Variants in CRYL1 observed in about 807,000 individuals in gnomAD.
CRYL1 encodes the protein lambda-crystallin homolog.
CRYL1 carries 29 observed loss-of-function variants against 36.6 expected under a neutral mutation model. That is an observed-to-expected ratio of 0.79 (90% CI 0.59 to 1.08). The LOEUF is 1.08. Among genes scored for constraint, CRYL1 ranks in the 50% least tolerant of loss-of-function variants. The probability of loss-of-function intolerance (pLI) is 0.00; values close to 1 mark genes in which losing one functional copy is unlikely to be tolerated. For missense variants in CRYL1, 411 were observed against 407.9 expected, an observed-to-expected ratio of 1.01 and a Z score of -0.06; for synonymous variants, 152 against 151.5, an observed-to-expected ratio of 1.00 and a Z score of -0.02.
chr13:20,414,655 C>T (rs2031611580), intron 5 of CRYL1, among the ~76,000 whole-genome samples: 1 of 152,098 alleles, frequency 6.6e-6, no homozygotes, highest in Non-Finnish European at 1.5e-5. Flanking sequence ...TAAGGTGGGG[C>T]CCTGGAATCT....
chr13:20,420,701 T>TTTTTTTTTGTGTG lies in CRYL1; in HGVS notation c.634-7315_634-7314insCACACAAAAAAAA. Among the ~76,000 whole-genome samples, 2 of 21,840 alleles carry TTTTTTTTTGTGTG rather than the reference T, an allele frequency of 9.2e-5. 1 individual carries two copies. The highest frequency in any genetic ancestry group is 4.1e-3 in the East Asian group (2 of 486). The allele number at this position is 21,840 out of a possible 152,430, so 14.3% of individuals were successfully genotyped here. On this transcript the variant is annotated intron_variant, in intron 5 of 7. Transcript: ENST00000298248. ...CTTTGACTTTTCTTTAAAATAGAGG[T>TTTTTTTTTGTGTG]TGTGTGTGTGTGTGTGTGTGTGTGT...
rs539073204 is a variant in CRYL1 at position 20,412,648 on chromosome 13, A to G, written c.739+634T>C. Among the ~76,000 whole-genome samples the G allele has an allele frequency of 3.3e-5, 5 of 152,262 alleles. No homozygotes were observed. The South Asian group carries it at 1.0e-3, about 32-fold the overall frequency. ...ATTAAAATCTGGTTGACAGAGTTTC[A>G]TTCTTGGAAGTTTCTTGTCCTTCCC... On this transcript the variant is annotated intron_variant, in intron 6 of 7. Coordinates refer to ENST00000298248, the MANE Select transcript of CRYL1 (RefSeq NM_015974.3).
intron 6 of CRYL1, among the ~76,000 whole-genome samples, chr13:20,405,087 T>C (rs949570048): frequency 2.6e-5 from 4 of 152,168 alleles, no homozygotes; most frequent in East Asian, 1.9e-4. Context: ...CTAGCCAACA[T>C]GGTGAAACCC....
At chr13:20,505,691 A>G (rs2033786030) in intron 2 of CRYL1, among the ~76,000 whole-genome samples, 1 of 152,232 alleles carries the variant, frequency 6.6e-6, no homozygotes, top group African/African-American at 2.4e-5. Context: ...AGTGGTAGAC[A>G]AAGACCACAA....
intron 2 of CRYL1, among the ~76,000 whole-genome samples, chr13:20,497,838 A>G (rs553665674): frequency 1.4e-4 from 21 of 151,320 alleles, no homozygotes; most frequent in African/African-American, 5.1e-4. Context: ...CCATACATAC[A>G]CCACATACAC....
chr13:20,423,677 T>A (rs1198269957), intron 5 of CRYL1, among the ~76,000 whole-genome samples: 1 of 151,822 alleles, frequency 6.6e-6, no homozygotes, highest in African/African-American at 2.4e-5. Flanking sequence ...TAGTGTTTTG[T>A]TGAGGAAGGC....
At chr13:20,501,843 C>G (rs764560003) in intron 2 of CRYL1, among the ~76,000 whole-genome samples, 27 of 152,204 alleles carry the variant, frequency 1.8e-4, no homozygotes, top group Non-Finnish European at 3.8e-4. Flanking sequence ...CCACCCGACT[C>G]CAGCCCCAGG....
At position 20,500,966 on chromosome 13, in the gene CRYL1, A is replaced by G. The variant is rs377150762; in HGVS notation, c.150-11470T>C. ...AAACTTACCAGATCATCACATCCAT[A>G]CAATGAGACTCCAGGCCCCTCATTC... is the stretch of plus-strand genomic sequence containing the variant. On this transcript the variant is annotated intron_variant, in intron 2 of 7. Transcript: ENST00000298248. 2.6e-5 allele frequency among the ~76,000 whole-genome samples: 4 copies of G among 152,316 alleles called. No individual in the cohort carries two copies. The East Asian group carries it at 7.7e-4, about 29-fold the overall frequency.
intron 5 of CRYL1, among the ~76,000 whole-genome samples, chr13:20,418,088 G>A (rs539928565): frequency 1.2e-4 from 18 of 152,254 alleles, no homozygotes; most frequent in Non-Finnish European, 2.2e-4. Flanking sequence ...CCTTCCTCAG[G>A]GAGATCTCAG....
At chr13:20,492,216 ATG>A (rs1217930290) in intron 2 of CRYL1, among the ~76,000 whole-genome samples, 2 of 152,232 alleles carry the variant, frequency 1.3e-5, no homozygotes, top group South Asian at 2.1e-4. Context: ...ACTGTGTAGT[ATG>A]TTTTGATCCA....
rs1405822661 is a variant in CRYL1 at position 20,513,861 on chromosome 13, T to C, written c.42-1311A>G. On this transcript the variant is annotated intron_variant, in intron 1 of 7. Coordinates refer to ENST00000298248, the MANE Select transcript of CRYL1 (RefSeq NM_015974.3). ...AATTTGAAGACAGAGCCAGAAAATA[T>C]ACAAGATGAGCCCGGAGCAGTTTGT... 4.8e-5 allele frequency among the ~76,000 whole-genome samples: 7 copies of C among 145,858 alleles called. No homozygotes were observed. The East Asian group carries it at 1.4e-3, about 29-fold the overall frequency.
intron 5 of CRYL1, chr13:20,431,132 T>C: frequency 1.0e-6 from 1 of 985,368 alleles, no homozygotes; most frequent in Middle Eastern, 5.2e-4. Flanking sequence ...ACATCTGTGA[T>C]GCACACCTGC....
At chr13:20,498,093 C>T (rs1057294336) in intron 2 of CRYL1, among the ~76,000 whole-genome samples, 8 of 150,228 alleles carry the variant, frequency 5.3e-5, no homozygotes, top group African/African-American at 2.0e-4. Context: ...CACATACACA[C>T]AACACCATAC....
rs946649533 is a variant in CRYL1 at position 20,425,487 on chromosome 13, G to A, written c.633+6615C>T. 2.0e-5 allele frequency among the ~76,000 whole-genome samples: 3 copies of A among 152,344 alleles called. No individual in the cohort carries two copies. Among genetic ancestry groups the A allele is most frequent in the Middle Eastern group, 3.4e-3 (1 of 294 alleles). On this transcript the variant is annotated intron_variant, in intron 5 of 7. Transcript: ENST00000298248. This position sits in a 1 kb window ranked among gnomAD's most constrained non-coding sequence, Gnocchi z 4.4. Reference sequence around the variant, plus strand: ...GGACTGCCAGAAAAGGACAGGCCACGCAGGCAGCTTGCTGAGATGGCTTCC... The same window carrying A: ...GGACTGCCAGAAAAGGACAGGCCACACAGGCAGCTTGCTGAGATGGCTTCC...
intron 6 of CRYL1, 34 bp downstream of exon 6, chr13:20,413,248 G>T: frequency 7.1e-7 from 1 of 1,415,516 alleles, no homozygotes; most frequent in Non-Finnish European, 9.9e-7. Context: ...ACACTAAATA[G>T]AATGGAATTC....
At chr13:20,416,660 A>C (rs2031674339) in intron 5 of CRYL1, among the ~76,000 whole-genome samples, 1 of 152,212 alleles carries the variant, frequency 6.6e-6, no homozygotes, top group Admixed American at 6.5e-5. Context: ...CTATACTTGC[A>C]GTGTTATTTG....
chr13:20,413,127 C>G (rs575392623), intron 6 of CRYL1, among the ~76,000 whole-genome samples, 155 bp downstream of exon 6: 71 of 152,280 alleles, frequency 4.7e-4, no homozygotes, highest in African/African-American at 1.6e-3. Context: ...CACAGCGTTT[C>G]GAATCCCTGC....
intron 6 of CRYL1, among the ~76,000 whole-genome samples, chr13:20,405,270 C>CAA (rs1191835975): frequency 2.3e-5 from 3 of 129,072 alleles, no homozygotes; most frequent in Admixed American, 7.9e-5. Context: ...GACTCCGTCT[C>CAA]AAAAAAAAAA....
chr13:20,422,878 G>C (rs188048910), intron 5 of CRYL1, among the ~76,000 whole-genome samples: 3 of 152,336 alleles, frequency 2.0e-5, no homozygotes. Context: ...ACCTTGGGCA[G>C]TATGGACATT....
Sources: allele counts gnomAD v4.1 joint callset (sites outside exome capture counted in the v4.1 genomes callset), GRCh38; gene constraint gnomAD v4.1.1; non-coding constraint Gnocchi (gnomAD v3.1); transcripts MANE v1.5; gene names NCBI Gene and HGNC (gene_info 2026-07-23, HGNC 2026-07-21).